Variants in BCAR3 observed in about 807,000 individuals in gnomAD.
BCAR3 encodes the protein BCAR3 adaptor protein, NSP family member.
Under a neutral mutation model 80.1 loss-of-function variants are expected in BCAR3, and 37 were observed. That is an observed-to-expected ratio of 0.46 (90% confidence interval 0.36 to 0.61). The LOEUF is 0.61. BCAR3 is among the 20% of genes least tolerant of loss of function. The pLI, the probability that BCAR3 is intolerant of heterozygous loss-of-function variation, is 0.00. For synonymous variants in BCAR3, 389 were observed against 418.9 expected (o/e 0.93, Z 0.87); for missense variants, 978 against 1,068.2 (o/e 0.92, Z 1.18).
rs547780429 is a variant in BCAR3, at chr1:93,695,587, T to C, written c.-12+10505A>G. On this transcript the variant is annotated intron_variant, in intron 3 of 13. Coordinates refer to the BCAR3 transcript ENST00000370244. Reference sequence around the variant, plus strand: ...AGCTCAGCCAGTTAAGCTGCTCAAGTTTCCCTTGCCCTGAACAGCTTGCTC... The same window carrying C: ...AGCTCAGCCAGTTAAGCTGCTCAAGCTTCCCTTGCCCTGAACAGCTTGCTC... Among the ~76,000 whole-genome samples, 7 of 152,310 alleles carry C rather than the reference T, an allele frequency of 4.6e-5. No homozygotes were observed. The East Asian group carries it at 1.4e-3, about 29-fold the overall frequency.
At chr1:93,750,959 G>GT (rs1651536622) in intron 2 of BCAR3, among the ~76,000 whole-genome samples, 1 of 152,122 alleles carries the variant, frequency 6.6e-6, no homozygotes, top group Non-Finnish European at 1.5e-5. Context: ...AATAGTTGGG[G>GT]TTTTTCTGCC....
intron 2 of BCAR3, among the ~76,000 whole-genome samples, chr1:93,747,538 C>T (rs976099619): frequency 1.3e-5 from 2 of 151,584 alleles, no homozygotes; most frequent in Admixed American, 6.6e-5. Context: ...TTGATTTTGT[C>T]TCCTCCCCTG....
At chr1:93,575,916 C>T in intron 8 of BCAR3, 98 bp downstream of exon 8, 1 of 1,002,494 alleles carries the variant, frequency 1.0e-6, no homozygotes, top group Admixed American at 2.1e-5. Context: ...TACCCCAGGG[C>T]TAGGCTGGTG....
At chr1:93,687,567 A>G (rs1649018477) in intron 3 of BCAR3, among the ~76,000 whole-genome samples, 1 of 152,214 alleles carries the variant, frequency 6.6e-6, no homozygotes, top group South Asian at 2.1e-4. Context: ...CCAGCCTCCC[A>G]AAGTGCTGAG....
chr1:93,836,632 T>C (rs1197672488), intron 2 of BCAR3, among the ~76,000 whole-genome samples: 2 of 151,802 alleles, frequency 1.3e-5, no homozygotes, highest in Non-Finnish European at 2.9e-5. Flanking sequence ...GCCCCAACAC[T>C]TTACCACTAT....
intron 3 of BCAR3, among the ~76,000 whole-genome samples, chr1:93,629,659 A>C (rs1675550477): frequency 6.6e-6 from 1 of 152,216 alleles, no homozygotes; most frequent in Admixed American, 6.5e-5. Context: ...GATGAGCACT[A>C]GAGGGCAGAG....
chr1:93,604,984 C>G (rs2101871142), intron 3 of BCAR3, among the ~76,000 whole-genome samples: 1 of 152,324 alleles, frequency 6.6e-6, no homozygotes, highest in East Asian at 1.9e-4. Context: ...CAGCCTCACT[C>G]AAAGCTCAGC....
chr1:93,615,025 T>A (rs1485592190), intron 3 of BCAR3, among the ~76,000 whole-genome samples: 3 of 149,684 alleles, frequency 2.0e-5, no homozygotes, highest in South Asian at 2.1e-4. Context: ...TTTTTTTTTT[T>A]AATCAAATCC....
At chr1:93,694,162 G>A (rs1293711613) in intron 3 of BCAR3, among the ~76,000 whole-genome samples, 1 of 152,204 alleles carries the variant, frequency 6.6e-6, no homozygotes, top group Non-Finnish European at 1.5e-5. Flanking sequence ...CCCAGCTCCT[G>A]GTGGAACTTC....
At chr1:93,826,428 G>C (rs897898100) in intron 2 of BCAR3, among the ~76,000 whole-genome samples, 1 of 152,230 alleles carries the variant, frequency 6.6e-6, no homozygotes. Context: ...CCCTTTCTAT[G>C]GGTCTGTCTA....
In BCAR3 at chr1:93,589,391, C is replaced by T. The variant is rs1387636759; in HGVS notation, c.515G>A (p.Gly172Asp). The T allele has an allele frequency of 1.2e-6, 2 of 1,612,876 alleles. No individual in the cohort carries two copies. Among genetic ancestry groups the T allele is most frequent in the Non-Finnish European group, 8.5e-7 (1 of 1,179,924 alleles). ...QVSENLVQRDGDFLVRDSLSS... is the reference protein window; with the variant it reads ...QVSENLVQRDDDFLVRDSLSS... ...CAGAGAGTCACGAACTAGGAAGTCA[C>T]CATCTCGCTGCACAAGGTTTTCAGA... is the stretch of plus-strand genomic sequence containing the variant. The change falls in exon 5 of 12, where the codon GGT (glycine) becomes GAT (aspartate). Residue 172 changes from glycine to aspartate, a missense_variant. Transcript: ENST00000260502.
chr1:93,787,576 T>C (rs1652992953), intron 2 of BCAR3, among the ~76,000 whole-genome samples: 1 of 152,214 alleles, frequency 6.6e-6, no homozygotes, highest in African/African-American at 2.4e-5. Context: ...AACTCAAAGA[T>C]CATTCAAGCG....
chr1:93,606,543 C>T (rs568305186), intron 3 of BCAR3, among the ~76,000 whole-genome samples: 22 of 152,218 alleles, frequency 1.4e-4, no homozygotes, highest in African/African-American at 3.9e-4. Context: ...TAAAAATGCA[C>T]GAGGGCATAG....
intron 2 of BCAR3, among the ~76,000 whole-genome samples, chr1:93,741,038 A>T (rs1405644547): frequency 6.6e-6 from 1 of 152,190 alleles, no homozygotes; most frequent in Non-Finnish European, 1.5e-5. Context: ...TCTGAGCTAG[A>T]GTCCTTGCTC....
intron 3 of BCAR3, among the ~76,000 whole-genome samples, chr1:93,624,258 A>G (rs536584763): frequency 1.3e-5 from 2 of 152,358 alleles, no homozygotes; most frequent in South Asian, 4.1e-4. Flanking sequence ...GACCCAATTT[A>G]GAGGTACTGG....
chr1:93,674,444 C>T (rs1206058125), intron 2 of BCAR3, among the ~76,000 whole-genome samples, 170 bp downstream of exon 2: 1 of 152,076 alleles, frequency 6.6e-6, no homozygotes, highest in African/African-American at 2.4e-5. Context: ...TTAGTATAGA[C>T]AGGGTTTCAC....
Position 93,573,993 on chromosome 1 carries a change from A to G in BCAR3, c.1802+2021T>C, listed in dbSNP as rs1673339886. Reference sequence around the variant, plus strand: ...TGCAAAATGTTAACATTGACAGAACATTTTAGATGTTGCTTTTAACTATAA... The same window carrying G: ...TGCAAAATGTTAACATTGACAGAACGTTTTAGATGTTGCTTTTAACTATAA... On this transcript the variant is annotated intron_variant, in intron 8 of 11. Coordinates refer to ENST00000260502, the MANE Select transcript of BCAR3 (RefSeq NM_003567.4). 2.6e-5 allele frequency among the ~76,000 whole-genome samples: 4 copies of G among 152,352 alleles called. No individual in the cohort carries two copies. The Middle Eastern group carries it at 0.01, about 389-fold the overall frequency.
chr1:93,839,081 T>A (rs1208237813), intron 2 of BCAR3, among the ~76,000 whole-genome samples: 2 of 152,186 alleles, frequency 1.3e-5, no homozygotes, highest in African/African-American at 4.8e-5. Flanking sequence ...GGCAGGTGGA[T>A]CACCTGAGCT....
intron 3 of BCAR3, among the ~76,000 whole-genome samples, chr1:93,603,924 A>T (rs1413732288): frequency 6.6e-6 from 1 of 152,238 alleles, no homozygotes; most frequent in Non-Finnish European, 1.5e-5. Flanking sequence ...AATTGGCAGC[A>T]GAGATTCCAT....
Sources: allele counts gnomAD v4.1 joint callset (sites outside exome capture counted in the v4.1 genomes callset), GRCh38; gene constraint gnomAD v4.1.1; transcripts MANE v1.5; gene names NCBI Gene and HGNC (gene_info 2026-07-23, HGNC 2026-07-21).